DCDC2: variants seen among roughly 807,000 people sequenced by gnomAD.
DCDC2 encodes doublecortin domain containing 2.
In DCDC2, 40 loss-of-function variants were observed where a neutral mutation model predicts 50.2. The ratio of observed to expected loss-of-function variants is 0.80; its 90% CI spans 0.62 to 1.04. The LOEUF is 1.04. Ranked by LOEUF, DCDC2 falls within the 50% of genes least tolerant of loss-of-function variation. The pLI is 0.00. For synonymous variants in DCDC2, 234 were observed against 210.6 expected, an observed-to-expected ratio of 1.11 and a Z score of -0.96; for missense variants, 570 against 581.9, an observed-to-expected ratio of 0.98 and a Z score of 0.21.
the DCDC2 span, among the ~76,000 whole-genome samples, chr6:24,379,613 A>G: frequency 6.6e-5 from 10 of 152,222 alleles, no homozygotes; most frequent in Non-Finnish European, 1.3e-4. Flanking sequence ...TAGTTCAACC[A>G]TTGTGGAAGA....
chr6:24,329,812 A>G lies in DCDC2; in HGVS notation c.348+23757T>C, dbSNP rs1385909977. ...TTATAATACCAAAATGAAGACATGA[A>G]TGAATAAAAAAGGGGGCAGGCAGGG... On this transcript the variant is annotated intron_variant, in intron 2 of 9. Transcript: ENST00000378454. 8.5e-5 allele frequency among the ~76,000 whole-genome samples: 13 copies of G among 152,234 alleles called. No homozygotes were observed. The East Asian group carries it at 2.3e-3, about 27-fold the overall frequency.
chr6:24,283,774 G>A (rs1262827068), intron 6 of DCDC2, among the ~76,000 whole-genome samples: 1 of 152,160 alleles, frequency 6.6e-6, no homozygotes. Context: ...TTGTGACTTT[G>A]GATTTACTGG....
chr6:24,282,153 A>G (rs1413081900), intron 6 of DCDC2, among the ~76,000 whole-genome samples: 2 of 152,180 alleles, frequency 1.3e-5, no homozygotes, highest in African/African-American at 4.8e-5. Context: ...GCATATCAGT[A>G]TATCCAAAAG....
intron 4 of DCDC2, 105 bp downstream of exon 4, chr6:24,301,610 C>T: frequency 7.2e-7 from 1 of 1,394,942 alleles, no homozygotes; most frequent in Non-Finnish European, 9.9e-7. Flanking sequence ...CGGGGCCTAA[C>T]TGGGGAGCCA....
At position 24,280,368 on chromosome 6, in the gene DCDC2, G is replaced by T. The variant is rs1002328054; in HGVS notation, c.760-2157C>A. Reference sequence around the variant, plus strand: ...ATTATTATGGTCACTGCAACCAGGGGTTTTTTTTTTTTTTCTTTTCTTTGA... The same window carrying T: ...ATTATTATGGTCACTGCAACCAGGGTTTTTTTTTTTTTTTCTTTTCTTTGA... On this transcript the variant is annotated intron_variant, in intron 6 of 9. Transcript: ENST00000378454. Among the ~76,000 whole-genome samples, 61 of 140,698 alleles carry T rather than the reference G, an allele frequency of 4.3e-4. 1 individual carries two copies. The highest frequency in any genetic ancestry group is 2.4e-3 in the Admixed American group (34 of 14,004). 92.3% of individuals were successfully genotyped at this position (140,698 alleles called of 152,430 possible).
the DCDC2 span, among the ~76,000 whole-genome samples, chr6:24,365,975 G>T: frequency 2.3e-4 from 35 of 151,948 alleles, no homozygotes; most frequent in Non-Finnish European, 4.6e-4. Context: ...ACGCCACCAA[G>T]CCTGGCTAAT....
chr6:24,179,045 A>T (rs558669999), intron 8 of DCDC2, among the ~76,000 whole-genome samples: 1 of 134,056 alleles, frequency 7.5e-6, no homozygotes, highest in East Asian at 2.0e-4. Flanking sequence ...GAAGAGGTTT[A>T]AAAAAAAAAA....
Position 24,357,694 on chromosome 6 carries a change from C to A in DCDC2, c.57G>T (p.Val19=), listed in dbSNP as rs577487337. The change falls in exon 1 of 10, where the codon GTG becomes GTT. Residue 19 remains valine, a synonymous_variant. Transcript: ENST00000378454. ...SHLSQPVVKS[V]LVYRNGDPFY... ...AGGGGTCCCCGTTGCGGTACACAAGCACGCTCTTCACGACGGGCTGAGACA... is the reference window on the plus strand; with the variant it reads ...AGGGGTCCCCGTTGCGGTACACAAGAACGCTCTTCACGACGGGCTGAGACA... 89 of 1,613,402 alleles carry A rather than the reference C, an allele frequency of 5.5e-5. No homozygotes were observed. The South Asian group carries it at 9.1e-4, about 17-fold the overall frequency.
chr6:24,208,432 G>A (rs1282541759), intron 7 of DCDC2, among the ~76,000 whole-genome samples: 5 of 143,734 alleles, frequency 3.5e-5, no homozygotes, highest in African/African-American at 5.2e-5. Flanking sequence ...GTGCAGTGGC[G>A]CAATCTCCGC....
chr6:24,333,550 C>T (rs1317041230), intron 2 of DCDC2, among the ~76,000 whole-genome samples: 3 of 152,140 alleles, frequency 2.0e-5, no homozygotes, highest in Non-Finnish European at 1.5e-5. Flanking sequence ...TGTTTGTATA[C>T]ATTTGTCACA....
At chr6:24,241,992 C>G (rs1762571591) in intron 7 of DCDC2, among the ~76,000 whole-genome samples, 1 of 152,072 alleles carries the variant, frequency 6.6e-6, no homozygotes, top group African/African-American at 2.4e-5. Context: ...GGCAACATAG[C>G]AAGACCCCAT....
At chr6:24,321,551 G>C (rs773392014) in intron 2 of DCDC2, among the ~76,000 whole-genome samples, 11 of 152,038 alleles carry the variant, frequency 7.2e-5, no homozygotes, top group Non-Finnish European at 1.3e-4. Flanking sequence ...TTTTATCAGA[G>C]CATTTGCTTT....
chr6:24,206,990 C>CA (rs1041461348), intron 7 of DCDC2, among the ~76,000 whole-genome samples: 1 of 151,642 alleles, frequency 6.6e-6, no homozygotes, highest in South Asian at 2.1e-4. Flanking sequence ...AAACAGTGAT[C>CA]AAAAAAAGGC....
intron 7 of DCDC2, among the ~76,000 whole-genome samples, chr6:24,216,686 C>T (rs1044658840): frequency 4.6e-5 from 7 of 152,232 alleles, no homozygotes; most frequent in South Asian, 4.1e-4. Flanking sequence ...GATGTCAGCA[C>T]CATAAAGCTT....
upstream of DCDC2, chr6:24,358,407 T>G (rs1336623481): frequency 6.5e-6 from 1 of 154,490 alleles, no homozygotes; most frequent in Non-Finnish European, 1.5e-5. Flanking sequence ...AGACCAGGAG[T>G]TCTAGACCAG....
intron 2 of DCDC2, among the ~76,000 whole-genome samples, chr6:24,307,651 C>T (rs569783417): frequency 6.6e-6 from 1 of 152,180 alleles, no homozygotes; most frequent in Non-Finnish European, 1.5e-5. Flanking sequence ...ATGAGAAGGG[C>T]CAAAGGCTAG....
chr6:24,293,570 T>A (rs1672399784), intron 4 of DCDC2, among the ~76,000 whole-genome samples: 3 of 152,244 alleles, frequency 2.0e-5, no homozygotes, highest in African/African-American at 7.2e-5. Context: ...AGACTTAGAC[T>A]CCCACATAAT....
At chr6:24,311,382 C>A (rs990149535) in intron 2 of DCDC2, among the ~76,000 whole-genome samples, 2 of 152,130 alleles carry the variant, frequency 1.3e-5, no homozygotes, top group African/African-American at 4.8e-5. Flanking sequence ...TAGTAAACAG[C>A]CTTATCTATA....
chr6:24,332,077 G>A (rs986333531), intron 2 of DCDC2, among the ~76,000 whole-genome samples: 4 of 152,090 alleles, frequency 2.6e-5, no homozygotes, highest in Admixed American at 6.6e-5. Flanking sequence ...AAAGGCATGC[G>A]GTAGCTACAT....
Sources: gnomAD v4.1 joint callset for allele counts (sites outside exome capture counted in the v4.1 genomes callset) on GRCh38, gnomAD v4.1.1 for gene constraint, MANE v1.5 for transcripts, NCBI Gene and HGNC (gene_info 2026-07-23, HGNC 2026-07-21) for gene names.